Variants in RTN3 observed in about 807,000 individuals in gnomAD.
The protein encoded by RTN3 is reticulon-3.
In RTN3, 49 loss-of-function variants were observed where a neutral mutation model predicts 77.8. The observed-to-expected ratio is 0.63, with a 90% CI of 0.50 to 0.80. The LOEUF (loss-of-function observed/expected upper bound fraction) is 0.80, where lower values mean the gene tolerates loss of function less well. Among genes scored for constraint, RTN3 ranks in the 30% least tolerant of loss-of-function variants. RTN3 has a pLI of 0.00. For synonymous variants in RTN3, 464 were observed against 446.9 expected (o/e 1.04, Z -0.48); for missense variants, 1,236 against 1,211.9 (o/e 1.02, Z -0.29).
chr11:63,684,077 G>A (rs1435478213), intron 1 of RTN3, among the ~76,000 whole-genome samples: 7 of 138,422 alleles, frequency 5.1e-5, no homozygotes, highest in African/African-American at 1.1e-4. Flanking sequence ...TCAGCCACCC[G>A]AGTAGCTGGA....
chr11:63,748,084 G>A (rs1474454788), intron 3 of RTN3, among the ~76,000 whole-genome samples: 1 of 151,534 alleles, frequency 6.6e-6, no homozygotes, highest in Non-Finnish European at 1.5e-5. Context: ...ATGCCGAGGC[G>A]GGCAGATCAC....
At chr11:63,704,542 C>T (rs1436382319) in intron 1 of RTN3, among the ~76,000 whole-genome samples, 2 of 151,766 alleles carry the variant, frequency 1.3e-5, no homozygotes, top group Non-Finnish European at 2.9e-5. Context: ...AGAGCAGCAG[C>T]ATCTGTTCTT....
Position 63,759,107 on chromosome 11 carries a change from G to A in RTN3, c.*906G>A, listed in dbSNP as rs1418707512. ...AACTTGTTAGAGAAAAAAATAACCT[G>A]CATGTGGGCTCCTCAGTTATTGAGT... On this transcript the variant is annotated 3_prime_UTR_variant, in exon 9 of 9. Transcript: ENST00000377819. The A allele has an allele frequency of 1.3e-5, 2 of 152,206 alleles. No individual in the cohort carries two copies. The highest frequency in any genetic ancestry group is 2.4e-5 in the African/African-American group (1 of 41,456). 9.4% of individuals were successfully genotyped at this position (152,206 alleles called of 1,614,324 possible).
chr11:63,718,958 T>C lies in RTN3; in HGVS notation c.456T>C (p.His152=), dbSNP rs771009527. Residue 152 remains histidine, a synonymous_variant, in exon 3 of 9, where the codon CAT becomes CAC. Transcript: ENST00000377819. ...CAGTTTCTCTTGCAGCAGGAGTTCA[T>C]TGTGACCGTCCTTCTATTCCAGCCA... ...DSSVSLAAGV[H]CDRPSIPASF... is the part of the protein sequence containing the mutation. 1 of 1,614,104 alleles carries C rather than the reference T, an allele frequency of 6.2e-7. No homozygotes were observed. Among genetic ancestry groups the C allele is most frequent in the Non-Finnish European group, 8.5e-7 (1 of 1,180,050 alleles).
At chr11:63,722,303 T>G (rs975934114) in intron 3 of RTN3, among the ~76,000 whole-genome samples, 1 of 152,216 alleles carries the variant, frequency 6.6e-6, no homozygotes, top group African/African-American at 2.4e-5. Context: ...AGATTTTTGT[T>G]AGGCTAAATG....
At chr11:63,697,039 C>T in intron 1 of RTN3, among the ~76,000 whole-genome samples, 1 of 151,546 alleles carries the variant, frequency 6.6e-6, no homozygotes, top group African/African-American at 2.4e-5. Flanking sequence ...CGCCTGCCAC[C>T]ATACCCGACT....
intron 3 of RTN3, among the ~76,000 whole-genome samples, chr11:63,741,839 T>A (rs2013499763): frequency 6.6e-6 from 1 of 151,892 alleles, no homozygotes. Flanking sequence ...CACAATTGTC[T>A]GTTTCTGGAT....
intron 3 of RTN3, among the ~76,000 whole-genome samples, chr11:63,731,901 T>C (rs568340096): frequency 8.7e-4 from 132 of 152,200 alleles, no homozygotes; most frequent in Non-Finnish European, 1.6e-3. Context: ...TCCGTCCACG[T>C]TGGCCTCCCA....
At chr11:63,743,901 CTGAGACTCCG>C (rs774801582) in intron 3 of RTN3, among the ~76,000 whole-genome samples, 17 of 152,006 alleles carry the variant, frequency 1.1e-4, no homozygotes, top group Non-Finnish European at 1.5e-4. Context: ...GGGCAACACA[CTGAGACTCCG>C]TCTCAAAACA....
intron 3 of RTN3, among the ~76,000 whole-genome samples, chr11:63,735,210 G>A (rs1372111131): frequency 3.3e-5 from 5 of 151,976 alleles, no homozygotes; most frequent in African/African-American, 9.7e-5. Flanking sequence ...GGCTGGTCTC[G>A]AACTCCCAAC....
Position 63,703,996 on chromosome 11 carries a change from T to C in RTN3, c.143-855T>C, listed in dbSNP as rs139921914. Among the ~76,000 whole-genome samples the C allele has an allele frequency of 5.5e-3, 834 of 152,076 alleles. 6 individuals are homozygous for C. Among genetic ancestry groups the C allele is most frequent in the African/African-American group, 0.02 (812 of 41,502 alleles). ...TGAATTAGAGGAGTATAATTTTATT[T>C]AATTAATTAATTTATTTTTTTTTTG... On this transcript the variant is annotated intron_variant, in intron 1 of 8. Transcript: ENST00000377819.
At chr11:63,729,221 C>T (rs751241149) in intron 3 of RTN3, among the ~76,000 whole-genome samples, 16 of 151,974 alleles carry the variant, frequency 1.1e-4, no homozygotes, top group Admixed American at 6.6e-5. Flanking sequence ...CAAATAAAAA[C>T]TCAGACCTTT....
At chr11:63,692,319 A>T (rs539944064) in intron 1 of RTN3, among the ~76,000 whole-genome samples, 48 of 151,626 alleles carry the variant, frequency 3.2e-4, no homozygotes, top group African/African-American at 1.1e-3. Context: ...CACTGTGCCC[A>T]GGTTTCCTTG....
At chr11:63,738,632 TA>T (rs60275741) in intron 3 of RTN3, among the ~76,000 whole-genome samples, 204 of 138,526 alleles carry the variant, frequency 1.5e-3, no homozygotes, top group Middle Eastern at 3.8e-3. Context: ...ACCCTGTCTT[TA>T]AAAAAAAAAA....
Position 63,719,105 on chromosome 11 carries a change from T to C in RTN3, c.603T>C (p.Ala201=), listed in dbSNP as rs765013482. 2 of 1,614,188 alleles carry C rather than the reference T, an allele frequency of 1.2e-6. No homozygotes were observed. Among genetic ancestry groups the C allele is most frequent in the South Asian group, 1.1e-5 (1 of 91,078 alleles). ...SSREAKTALD[A]DDRFTLLTAQ... ...GGGAGGCTAAAACTGCATTGGATGC[T>C]GATGACAGATTCACTTTGCTGACAG... Residue 201 remains alanine (A), a synonymous_variant, in exon 3 of 9, where the codon GCT becomes GCC. Coordinates refer to ENST00000377819, the MANE Select transcript of RTN3 (RefSeq NM_001265589.2).
chr11:63,706,479 C>T (rs1942500162), intron 2 of RTN3, among the ~76,000 whole-genome samples: 1 of 152,194 alleles, frequency 6.6e-6, no homozygotes, highest in Non-Finnish European at 1.5e-5. Flanking sequence ...GGATTATAAG[C>T]ATGAGCCACC....
chr11:63,744,115 C>T (rs928793685), intron 3 of RTN3, among the ~76,000 whole-genome samples: 5 of 151,354 alleles, frequency 3.3e-5, no homozygotes, highest in African/African-American at 1.2e-4. Flanking sequence ...TGGTGGCAGG[C>T]ACCTGTAATG....
At position 63,759,424 on chromosome 11, in the gene RTN3, T is replaced by G. The variant is rs1448153816; in HGVS notation, c.*1223T>G. The G allele has an allele frequency of 6.6e-6, 1 of 152,600 alleles. No individual in the cohort carries two copies. The highest frequency in any genetic ancestry group is 1.9e-4 in the East Asian group (1 of 5,200). 9.5% of individuals were successfully genotyped at this position (152,600 alleles called of 1,614,324 possible). A position where few individuals can be genotyped will look rare whatever the true frequency, so the allele number is the denominator to read the frequency against. ...AAAGTACGGCAGCTGCAAAAAGTAG[T>G]GGAAGGAAATTGTCTACGTGTCTTG... is the stretch of plus-strand genomic sequence containing the variant. On this transcript the variant is annotated 3_prime_UTR_variant, in exon 9 of 9. Coordinates refer to ENST00000377819, the MANE Select transcript of RTN3 (RefSeq NM_001265589.2).
At chr11:63,729,343 A>C (rs1245236333) in intron 3 of RTN3, among the ~76,000 whole-genome samples, 1 of 151,974 alleles carries the variant, frequency 6.6e-6, no homozygotes, top group Non-Finnish European at 1.5e-5. Flanking sequence ...CAAAAATTGT[A>C]ATAACGTGTA....
Sources: gnomAD v4.1 joint callset for allele counts (sites outside exome capture counted in the v4.1 genomes callset) on GRCh38, gnomAD v4.1.1 for gene constraint, MANE v1.5 for transcripts, NCBI Gene and HGNC (gene_info 2026-07-23, HGNC 2026-07-21) for gene names.